ZNF385D: variants seen among roughly 807,000 people sequenced by gnomAD.
The protein encoded by ZNF385D is zinc finger protein 659.
ZNF385D carries 15 observed loss-of-function variants against 35.8 expected under a neutral mutation model. That is an observed-to-expected ratio of 0.42 (90% CI 0.28 to 0.64). The LOEUF (loss-of-function observed/expected upper bound fraction) is 0.64, where lower values mean the gene tolerates loss of function less well. Ranked by LOEUF, ZNF385D falls within the 30% of genes least tolerant of loss-of-function variation. ZNF385D has a pLI of 0.23. For missense variants in ZNF385D, 474 were observed against 494.6 expected (o/e 0.96, Z 0.39); for synonymous variants, 212 against 186.8 (o/e 1.13, Z -1.10).
At chr3:21,937,257 G>A (rs765943387) in intron 3 of ZNF385D, among the ~76,000 whole-genome samples, 1 of 151,796 alleles carries the variant, frequency 6.6e-6, no homozygotes, top group East Asian at 1.9e-4. Context: ...TACAATAAAG[G>A]TCTGTGATCC....
chr3:21,766,925 A>G (rs1259673799), intron 3 of ZNF385D, among the ~76,000 whole-genome samples: 1 of 152,116 alleles, frequency 6.6e-6, no homozygotes, highest in Non-Finnish European at 1.5e-5. Context: ...ATTAATATAA[A>G]ATCTTACCTA....
chr3:21,752,417 C>T (rs980254121), upstream of ZNF385D, among the ~76,000 whole-genome samples: 10 of 152,010 alleles, frequency 6.6e-5, no homozygotes, highest in African/African-American at 2.4e-4. Context: ...AAGATTTCTA[C>T]ATTTTGATAT....
chr3:22,187,920 T>G (rs1368608961), intron 2 of ZNF385D, among the ~76,000 whole-genome samples: 1 of 152,126 alleles, frequency 6.6e-6, no homozygotes, highest in African/African-American at 2.4e-5. Flanking sequence ...CACAAGAATG[T>G]CCACACTCTA....
chr3:21,679,971 G>C (rs1339623882), intron 1 of ZNF385D, among the ~76,000 whole-genome samples: 1 of 152,126 alleles, frequency 6.6e-6, no homozygotes, highest in East Asian at 1.9e-4. Flanking sequence ...TTGTATGAGA[G>C]AGACTCGCTC....
chr3:21,487,117 G>A (rs773927895), intron 4 of ZNF385D, among the ~76,000 whole-genome samples: 54 of 151,976 alleles, frequency 3.6e-4, no homozygotes, highest in Non-Finnish European at 7.4e-4. Context: ...ATACTTTCAC[G>A]CCATTAGAAT....
rs138356570 is a variant in ZNF385D at position 22,186,184 on chromosome 3, A to G, written c.107-17149T>C. On this transcript the variant is annotated intron_variant, in intron 2 of 5. Coordinates refer to the ZNF385D transcript ENST00000494108. Reference sequence around the variant, plus strand: ...GAGGTTTTTCTTTAGGAACTTCAAAATAAGAAAGGTCTCTGAAGAATTAAT... The same window carrying G: ...GAGGTTTTTCTTTAGGAACTTCAAAGTAAGAAAGGTCTCTGAAGAATTAAT... Among the ~76,000 whole-genome samples, 196 of 152,312 alleles carry G rather than the reference A, an allele frequency of 1.3e-3. 1 individual carries two copies. The highest frequency in any genetic ancestry group is 4.6e-3 in the African/African-American group (190 of 41,584).
intron 1 of ZNF385D, among the ~76,000 whole-genome samples, chr3:21,725,775 C>T (rs141643144): frequency 3.5e-4 from 53 of 152,290 alleles, no homozygotes; most frequent in African/African-American, 1.3e-3. Context: ...GGTACCATTC[C>T]TTCTGAAACT....
At chr3:21,665,192 A>T (rs933946545) in intron 1 of ZNF385D, among the ~76,000 whole-genome samples, 164 bp from the exon 2 acceptor site, 1 of 152,234 alleles carries the variant, frequency 6.6e-6, no homozygotes, top group Non-Finnish European at 1.5e-5. Context: ...CAAATTTGCC[A>T]TTAGGCAGAG....
intron 1 of ZNF385D, among the ~76,000 whole-genome samples, chr3:21,708,861 GCACACA>G (rs34469159): frequency 2.4e-4 from 35 of 148,350 alleles, no homozygotes; most frequent in African/African-American, 6.9e-4. Context: ...GTGTGGGCGT[GCACACA>G]CACACACACA....
At chr3:21,656,334 G>C (rs1303766621) in intron 2 of ZNF385D, among the ~76,000 whole-genome samples, 4 of 151,910 alleles carry the variant, frequency 2.6e-5, no homozygotes, top group African/African-American at 9.7e-5. Context: ...CACGGTTCTG[G>C]AGGCTAGAAA....
At chr3:21,930,495 A>G (rs1360085690) in intron 3 of ZNF385D, among the ~76,000 whole-genome samples, 7 of 152,164 alleles carry the variant, frequency 4.6e-5, no homozygotes, top group Non-Finnish European at 7.4e-5. Flanking sequence ...CAAGAAAGTG[A>G]TAAGTATATA....
intron 2 of ZNF385D, among the ~76,000 whole-genome samples, chr3:22,310,227 C>G (rs967668022): frequency 6.6e-6 from 1 of 151,948 alleles, no homozygotes; most frequent in Non-Finnish European, 1.5e-5. Context: ...ATTACTATTA[C>G]GAACAAGAGC....
At chr3:22,153,394 T>C (rs988474404) in intron 3 of ZNF385D, among the ~76,000 whole-genome samples, 2 of 151,974 alleles carry the variant, frequency 1.3e-5, no homozygotes, top group African/African-American at 4.8e-5. Flanking sequence ...TGTGCAATCA[T>C]GGGCACAAGT....
chr3:21,896,430 G>C (rs1699141815), intron 3 of ZNF385D, among the ~76,000 whole-genome samples: 1 of 152,064 alleles, frequency 6.6e-6, no homozygotes. Flanking sequence ...TTAACACTAA[G>C]GCACATATAT....
intron 3 of ZNF385D, among the ~76,000 whole-genome samples, chr3:22,083,170 C>T (rs1170005987): frequency 6.6e-6 from 1 of 152,236 alleles, no homozygotes; most frequent in Non-Finnish European, 1.5e-5. Context: ...AGCGCCTCTT[C>T]TTCTACTCCA....
intron 3 of ZNF385D, among the ~76,000 whole-genome samples, chr3:21,855,671 T>C (rs1696670327): frequency 6.6e-6 from 1 of 152,038 alleles, no homozygotes; most frequent in South Asian, 2.1e-4. Context: ...CCATTTAGTC[T>C]ACCCCCAAAA....
chr3:21,945,670 G>A (rs1156296564), intron 3 of ZNF385D, among the ~76,000 whole-genome samples: 1 of 152,052 alleles, frequency 6.6e-6, no homozygotes. Flanking sequence ...TTGTGTGTCT[G>A]GCTCAGTGAT....
chr3:22,098,357 T>C (rs758507677), intron 3 of ZNF385D, among the ~76,000 whole-genome samples: 3 of 152,090 alleles, frequency 2.0e-5, no homozygotes, highest in Non-Finnish European at 2.9e-5. Context: ...GTATGAGTCA[T>C]CATTTAATGA....
At chr3:21,607,565 C>T (rs2064521285) in intron 2 of ZNF385D, among the ~76,000 whole-genome samples, 1 of 152,134 alleles carries the variant, frequency 6.6e-6, no homozygotes, top group African/African-American at 2.4e-5. Flanking sequence ...TCTTTCCAGT[C>T]CCCATATCTT....
Sources: allele counts gnomAD v4.1 joint callset (sites outside exome capture counted in the v4.1 genomes callset), GRCh38; gene constraint gnomAD v4.1.1; transcripts MANE v1.5; gene names NCBI Gene and HGNC (gene_info 2026-07-23, HGNC 2026-07-21).